Variants in DNAJC15 observed in about 807,000 individuals in gnomAD.
DNAJC15 encodes the protein DnaJ heat shock protein family (Hsp40) member C15.
DNAJC15 carries 27 observed loss-of-function variants against 22.4 expected under a neutral mutation model. The ratio of observed to expected loss-of-function variants is 1.20; its 90% CI spans 0.89 to 1.66. DNAJC15 has a LOEUF of 1.66. DNAJC15 is among the 40% of genes most tolerant of loss of function. The probability of loss-of-function intolerance (pLI) is 0.00; values close to 1 mark genes in which losing one functional copy is unlikely to be tolerated. For missense variants in DNAJC15, 208 were observed against 187.1 expected (o/e 1.11, Z -0.65); for synonymous variants, 79 against 63.2 (o/e 1.25, Z -1.19).
At chr13:43,033,003 A>G (rs989876591) in intron 1 of DNAJC15, among the ~76,000 whole-genome samples, 1 of 152,240 alleles carries the variant, frequency 6.6e-6, no homozygotes, top group Non-Finnish European at 1.5e-5. Context: ...TCACATGGCC[A>G]GAGCGGGAGG....
At chr13:43,096,539 T>C (rs765876855) in intron 5 of DNAJC15, among the ~76,000 whole-genome samples, 6 of 152,178 alleles carry the variant, frequency 3.9e-5, no homozygotes, top group Non-Finnish European at 8.8e-5. Flanking sequence ...TGAGCAATTA[T>C]TCATTCAACA....
intron 1 of DNAJC15, among the ~76,000 whole-genome samples, chr13:43,037,487 A>G (rs569322470): frequency 4.1e-4 from 63 of 152,342 alleles, no homozygotes; most frequent in Non-Finnish European, 8.4e-4. Flanking sequence ...TGAAGAATGT[A>G]AGGAAGAATT....
chr13:43,033,528 G>T (rs967573579), intron 1 of DNAJC15, among the ~76,000 whole-genome samples: 2 of 152,074 alleles, frequency 1.3e-5, no homozygotes, highest in African/African-American at 4.8e-5. Flanking sequence ...TCCCAACCAG[G>T]TACCACATTA....
At chr13:43,104,055 TA>T (rs1952715867) in intron 5 of DNAJC15, among the ~76,000 whole-genome samples, 1 of 152,212 alleles carries the variant, frequency 6.6e-6, no homozygotes, top group Admixed American at 6.5e-5. Flanking sequence ...TTTATTGAGA[TA>T]TAATTTATAT....
intron 1 of DNAJC15, among the ~76,000 whole-genome samples, chr13:43,034,305 CTTTTTTTTTTTTTT>C (rs753362468): frequency 2.3e-4 from 14 of 60,618 alleles, no homozygotes; most frequent in South Asian, 2.2e-3. Flanking sequence ...GAGATTTGTC[CTTTTTTTTTTTTTT>C]TTTTTTTTTT....
At chr13:43,036,175 T>G (rs1296044986) in intron 1 of DNAJC15, among the ~76,000 whole-genome samples, 1 of 150,196 alleles carries the variant, frequency 6.7e-6, no homozygotes, top group Non-Finnish European at 1.5e-5. Context: ...TCTTTTTTTT[T>G]TTTTTTTTTT....
chr13:43,036,685 C>T (rs1593310021), intron 1 of DNAJC15, among the ~76,000 whole-genome samples: 4 of 152,328 alleles, frequency 2.6e-5, no homozygotes, highest in Admixed American at 2.6e-4. Flanking sequence ...CTCCACAGCA[C>T]CCTGGCTCTA....
intron 5 of DNAJC15, among the ~76,000 whole-genome samples, chr13:43,088,701 A>G (rs1322903741): frequency 4.6e-5 from 7 of 152,212 alleles, no homozygotes; most frequent in Non-Finnish European, 7.3e-5. Flanking sequence ...GCTAATTTTT[A>G]TCTGAAGTCC....
chr13:43,066,743 C>T (rs1160306281), intron 2 of DNAJC15, among the ~76,000 whole-genome samples: 1 of 152,164 alleles, frequency 6.6e-6, no homozygotes, highest in Non-Finnish European at 1.5e-5. Flanking sequence ...CTGCCTCAGC[C>T]TCCCGAGTAG....
chr13:43,026,332 GTT>G (rs1211837914), intron 1 of DNAJC15, among the ~76,000 whole-genome samples: 1 of 152,194 alleles, frequency 6.6e-6, no homozygotes, highest in Non-Finnish European at 1.5e-5. Flanking sequence ...GATGCAAACA[GTT>G]TTTTGTTACA....
intron 1 of DNAJC15, among the ~76,000 whole-genome samples, chr13:43,044,610 A>G (rs2040467895): frequency 6.6e-6 from 1 of 152,026 alleles, no homozygotes. Context: ...GGTTGCAAAG[A>G]CTTTATTTTC....
At chr13:43,100,810 C>T (rs894946521) in intron 5 of DNAJC15, among the ~76,000 whole-genome samples, 2 of 152,064 alleles carry the variant, frequency 1.3e-5, no homozygotes, top group African/African-American at 4.8e-5. Context: ...CTTCTGTTTC[C>T]TTGTTGGTCT....
intron 1 of DNAJC15, among the ~76,000 whole-genome samples, chr13:43,024,284 T>C (rs931063496): frequency 6.7e-6 from 1 of 148,544 alleles, no homozygotes; most frequent in Non-Finnish European, 1.5e-5. Context: ...AGGAAGGGTC[T>C]AACAGAAAAC....
At position 43,107,182 on chromosome 13, in the gene DNAJC15, A is replaced by T. The variant is rs2040800903; in HGVS notation, c.387A>T (p.Gly129=). 2 of 1,572,622 alleles carry T rather than the reference A, an allele frequency of 1.3e-6. No homozygotes were observed. The highest frequency in any genetic ancestry group is 4.7e-5 in the East Asian group (2 of 42,892). ...CATTTTTCTTTGTTCTCTCAGGTGG[A>T]TCTCCTTACGTAGCAGCCAAAATAA... is the stretch of plus-strand genomic sequence containing the variant. ...VMILNHPDKG[G]SPYVAAKINE... Residue 129 remains glycine (G), a synonymous_variant, in exon 6 of 6, where the codon GGA becomes GGT. Transcript: ENST00000379221.
chr13:43,098,531 G>C (rs974426193), intron 5 of DNAJC15, among the ~76,000 whole-genome samples: 3 of 152,106 alleles, frequency 2.0e-5, no homozygotes, highest in Non-Finnish European at 4.4e-5. Flanking sequence ...TTTTTCTTCA[G>C]ATCCCCTTGT....
chr13:43,089,117 A>G (rs889515657), intron 5 of DNAJC15, among the ~76,000 whole-genome samples: 7 of 152,244 alleles, frequency 4.6e-5, no homozygotes, highest in Admixed American at 3.9e-4. Context: ...ACAAATGGAT[A>G]AAAACAAGGC....
intron 1 of DNAJC15, among the ~76,000 whole-genome samples, chr13:43,030,870 G>T (rs1186414908): frequency 6.6e-6 from 1 of 152,190 alleles, no homozygotes; most frequent in Non-Finnish European, 1.5e-5. Context: ...TAAGGCATAG[G>T]TGTCATAAGA....
intron 1 of DNAJC15, among the ~76,000 whole-genome samples, chr13:43,062,805 G>C (rs373592266): frequency 6.6e-6 from 1 of 150,442 alleles, no homozygotes; most frequent in Non-Finnish European, 1.5e-5. Context: ...TGCACCCTCC[G>C]CCTCCTGGGT....
chr13:43,087,356 A>G (rs1195112584), intron 5 of DNAJC15, among the ~76,000 whole-genome samples: 1 of 152,192 alleles, frequency 6.6e-6, no homozygotes, highest in Non-Finnish European at 1.5e-5. Flanking sequence ...AAGTGTAGTG[A>G]TAGGAATGTT....
Sources: allele counts gnomAD v4.1 joint callset (sites outside exome capture counted in the v4.1 genomes callset), GRCh38; gene constraint gnomAD v4.1.1; transcripts MANE v1.5; gene names NCBI Gene and HGNC (gene_info 2026-07-23, HGNC 2026-07-21).